CDC14B: variants seen among roughly 807,000 people sequenced by gnomAD.
CDC14B encodes cell division cycle 14B.
In CDC14B, 22 loss-of-function variants were observed where a neutral mutation model predicts 64.2. The ratio of observed to expected loss-of-function variants is 0.34; its 90% CI spans 0.24 to 0.49. The LOEUF (loss-of-function observed/expected upper bound fraction) is 0.49, where lower values mean the gene tolerates loss of function less well. Among genes scored for constraint, CDC14B ranks in the 20% least tolerant of loss-of-function variants. The pLI is 0.99. For synonymous variants in CDC14B, 191 were observed against 215.8 expected, an observed-to-expected ratio of 0.89 and a Z score of 1.01; for missense variants, 498 against 629.9, an observed-to-expected ratio of 0.79 and a Z score of 2.24.
In CDC14B at chr9:96,599,746, C is replaced by CT. The variant is rs979499228; in HGVS notation, c.160+19472dup. ...ATTTCTGTAACTTTTCTTTTGTTTT[C>CT]TTTTTTTTTTGAGACGGATTCTCAC... On this transcript the variant is annotated intron_variant, in intron 1 of 13. Coordinates refer to ENST00000375241, the MANE Select transcript of CDC14B (RefSeq NM_033331.4). Among the ~76,000 whole-genome samples, 98 of 149,040 alleles carry CT rather than the reference C, an allele frequency of 6.6e-4. 1 individual carries two copies. Among genetic ancestry groups the CT allele is most frequent in the Middle Eastern group, 3.5e-3 (1 of 286 alleles).
In CDC14B at chr9:96,522,555, G is replaced by A. The variant is rs41281904; in HGVS notation, c.1294C>T (p.Arg432Trp). 152 of 1,613,656 alleles carry A rather than the reference G, an allele frequency of 9.4e-5. No individual in the cohort carries two copies. Among genetic ancestry groups the A allele is most frequent in the Non-Finnish European group, 1.1e-4 (135 of 1,179,576 alleles). ...INGVTQGDRL[R>W]ALKSRRQSKT... is the part of the protein sequence containing the mutation. ...GATTGTCTTCTGCTTTTCAAGGCCC[G>A]AAGTCTATCACCTTGTGTCACTCCA... The change falls in exon 12 of 14, where the codon CGG (arginine) becomes TGG (tryptophan). Residue 432 changes from arginine to tryptophan, a missense_variant. Transcript: ENST00000375241.
At chr9:96,582,014 T>C (rs1845190321) in intron 1 of CDC14B, among the ~76,000 whole-genome samples, 1 of 152,164 alleles carries the variant, frequency 6.6e-6, no homozygotes, top group South Asian at 2.1e-4. Flanking sequence ...GTGCGCTTCA[T>C]GGTGAGAACC....
chr9:96,499,869 C>T (rs528228980), downstream of CDC14B, among the ~76,000 whole-genome samples: 277 of 152,322 alleles, frequency 1.8e-3, 3 homozygotes, highest in Middle Eastern at 0.014. Flanking sequence ...GAGGAGGCAG[C>T]GCCTCCAAGC....
rs1049491521 is a variant in CDC14B, at chr9:96,614,242, C to CT, written c.160+4976dup. Among the ~76,000 whole-genome samples the CT allele has an allele frequency of 1.7e-3, 252 of 146,642 alleles. 1 individual carries two copies. The highest frequency in any genetic ancestry group is 6.9e-3 in the Middle Eastern group (2 of 288). The stretch of plus-strand genomic sequence containing the variant: ...ACTAATCAGAATTTTTCTTTTCTTT[C>CT]TTTTTTTTTTTGAGACGGAGTTTCA... On this transcript the variant is annotated intron_variant, in intron 1 of 13. Transcript: ENST00000375241.
At chr9:96,609,596 C>T (rs1042949428) in intron 1 of CDC14B, among the ~76,000 whole-genome samples, 1 of 152,036 alleles carries the variant, frequency 6.6e-6, no homozygotes, top group East Asian at 1.9e-4. Flanking sequence ...ATGAGCAAAA[C>T]GCAAAGAATG....
At chr9:96,530,296 G>GT (rs59113647) in intron 9 of CDC14B, among the ~76,000 whole-genome samples, 13,852 of 142,260 alleles carry the variant, frequency 0.097, 1,231 homozygotes, top group African/African-American at 0.24. Context: ...TTCTCTCTCT[G>GT]TTTTTTTTTT....
chr9:96,618,581 T>C (rs201703915), intron 1 of CDC14B: 42 of 533,308 alleles, frequency 7.9e-5, no homozygotes, highest in Middle Eastern at 3.2e-4. Flanking sequence ...CGTGACACCT[T>C]CCTTCTCGAG....
chr9:96,611,761 C>A, intron 1 of CDC14B, among the ~76,000 whole-genome samples: 1 of 152,124 alleles, frequency 6.6e-6, no homozygotes, highest in Non-Finnish European at 1.5e-5. Flanking sequence ...AAAAAAAGAC[C>A]CTGTCTGCCA....
intron 4 of CDC14B, among the ~76,000 whole-genome samples, chr9:96,561,207 A>G (rs1843130494): frequency 6.6e-6 from 1 of 152,158 alleles, no homozygotes; most frequent in Non-Finnish European, 1.5e-5. Context: ...AATCAGAAGC[A>G]TTTAATTCAA....
At chr9:96,565,122 A>G (rs1843728406) in intron 2 of CDC14B, among the ~76,000 whole-genome samples, 1 of 152,110 alleles carries the variant, frequency 6.6e-6, no homozygotes, top group African/African-American at 2.4e-5. Context: ...TTCCACACAT[A>G]TTTCCAAGGG....
intron 1 of CDC14B, chr9:96,618,674 G>A (rs1847791467): frequency 3.9e-6 from 2 of 507,350 alleles, no homozygotes; most frequent in Non-Finnish European, 7.9e-6. Context: ...CCAGGAGAGG[G>A]GCTCGGGCTT....
intron 1 of CDC14B, among the ~76,000 whole-genome samples, chr9:96,568,117 G>A (rs938718762): frequency 6.6e-6 from 1 of 151,708 alleles, no homozygotes; most frequent in African/African-American, 2.4e-5. Context: ...ATTTTCCCAA[G>A]TTTTCTATAG....
Position 96,562,741 on chromosome 9 carries a change from A to G in CDC14B, c.372T>C (p.Ser124=). The change falls in exon 4 of 14, where the codon TCT becomes TCC. Residue 124 remains serine, a synonymous_variant. Coordinates refer to ENST00000375241, the MANE Select transcript of CDC14B (RefSeq NM_033331.4). Reference sequence around the variant, plus strand: ...CAGCATTTGCTTGTTTTCTCTGATCAGAGCCAGTAAAATGAACAATTTTCT... The same window carrying G: ...CAGCATTTGCTTGTTTTCTCTGATCGGAGCCAGTAAAATGAACAATTTTCT... ...LRKKIVHFTG[S]DQRKQANAAF... 1 of 1,612,194 alleles carries G rather than the reference A, an allele frequency of 6.2e-7. No homozygotes were observed. Among genetic ancestry groups the G allele is most frequent in the South Asian group, 1.1e-5 (1 of 91,050 alleles).
intron 1 of CDC14B, among the ~76,000 whole-genome samples, chr9:96,605,034 T>C (rs974305903): frequency 3.3e-5 from 5 of 152,118 alleles, no homozygotes; most frequent in African/African-American, 1.2e-4. Flanking sequence ...AAATCCGCCC[T>C]GTCACATGCA....
At chr9:96,597,451 G>A (rs750470830) in intron 1 of CDC14B, among the ~76,000 whole-genome samples, 1 of 150,110 alleles carries the variant, frequency 6.7e-6, no homozygotes, top group Admixed American at 6.7e-5. Flanking sequence ...CCGAGATTGT[G>A]TCATTGCGCT....
intron 1 of CDC14B, among the ~76,000 whole-genome samples, chr9:96,595,357 AG>A (rs1298618754): frequency 3.3e-5 from 5 of 152,352 alleles, no homozygotes; most frequent in African/African-American, 1.2e-4. Flanking sequence ...ACAACGAAGC[AG>A]AAAAGCATGA....
chr9:96,535,768 G>A (rs543283523), intron 7 of CDC14B, among the ~76,000 whole-genome samples: 3 of 138,152 alleles, frequency 2.2e-5, no homozygotes, highest in Middle Eastern at 3.5e-3. Flanking sequence ...GTCAGCCCAT[G>A]TTCCATAATA....
At chr9:96,541,050 A>G (rs1037450310) in intron 6 of CDC14B, among the ~76,000 whole-genome samples, 3 of 152,258 alleles carry the variant, frequency 2.0e-5, no homozygotes, top group Non-Finnish European at 4.4e-5. Context: ...TATACAAGAA[A>G]GTAAACCTGG....
At chr9:96,503,834 C>A (rs777007624) in intron 13 of CDC14B, 45 bp from the exon 14 acceptor site, 7 of 1,483,034 alleles carry the variant, frequency 4.7e-6, no homozygotes, top group South Asian at 1.2e-5. Flanking sequence ...GTTTACACAG[C>A]GTCCACAGGC....
Sources: gnomAD v4.1 joint callset for allele counts (sites outside exome capture counted in the v4.1 genomes callset) on GRCh38, gnomAD v4.1.1 for gene constraint, MANE v1.5 for transcripts, NCBI Gene and HGNC (gene_info 2026-07-23, HGNC 2026-07-21) for gene names.